Variants in HSF2BP observed in about 807,000 individuals in gnomAD.
The protein encoded by HSF2BP is heat shock transcription factor 2 binding protein.
HSF2BP carries 35 observed loss-of-function variants against 35.0 expected under a neutral mutation model. The ratio of observed to expected loss-of-function variants is 1.00; its 90% CI spans 0.76 to 1.32. The LOEUF is 1.32. Among genes scored for constraint, HSF2BP ranks in the 40% most tolerant of loss-of-function variants. The pLI, the probability that HSF2BP is intolerant of heterozygous loss-of-function variation, is 0.00. For synonymous variants in HSF2BP, 114 were observed against 117.4 expected (o/e 0.97, Z 0.18); for missense variants, 326 against 321.7 (o/e 1.01, Z -0.10).
intron 6 of HSF2BP, among the ~76,000 whole-genome samples, chr21:43,615,298 T>C (rs1326994886): frequency 6.6e-6 from 1 of 152,244 alleles, no homozygotes; most frequent in African/African-American, 2.4e-5. Context: ...GTCTGATCTG[T>C]TTCTGGTAGA....
intron 6 of HSF2BP, among the ~76,000 whole-genome samples, chr21:43,629,628 T>C (rs1370140531): frequency 1.3e-5 from 2 of 152,186 alleles, no homozygotes; most frequent in Non-Finnish European, 2.9e-5. Context: ...TCAATCCTCA[T>C]GGATGACTTT....
At chr21:43,615,933 C>G (rs183569922) in intron 6 of HSF2BP, among the ~76,000 whole-genome samples, 80 of 152,002 alleles carry the variant, frequency 5.3e-4, no homozygotes, top group African/African-American at 1.9e-3. Flanking sequence ...CCTGCCAAAC[C>G]TGACCAAACT....
At chr21:43,608,081 G>A (rs940136391) in intron 7 of HSF2BP, among the ~76,000 whole-genome samples, 4 of 151,600 alleles carry the variant, frequency 2.6e-5, no homozygotes, top group Non-Finnish European at 1.5e-5. Context: ...CAACAAAACC[G>A]AAAATTGACA....
At chr21:43,607,731 C>T (rs1421452948) in intron 7 of HSF2BP, among the ~76,000 whole-genome samples, 1 of 152,184 alleles carries the variant, frequency 6.6e-6, no homozygotes, top group South Asian at 2.1e-4. Context: ...CAGCATAACA[C>T]TGGTACAAAA....
At chr21:43,507,322 C>A in the HSF2BP span, among the ~76,000 whole-genome samples, 1 of 98,536 alleles carries the variant, frequency 1.0e-5, no homozygotes, top group Non-Finnish European at 2.2e-5. Flanking sequence ...CCCTGATTCC[C>A]TAGCTGTGCA....
At chr21:43,625,842 G>A (rs541015919) in intron 6 of HSF2BP, among the ~76,000 whole-genome samples, 17 of 152,282 alleles carry the variant, frequency 1.1e-4, no homozygotes, top group East Asian at 1.9e-4. Flanking sequence ...AAACAGCCGC[G>A]CTGAGCTTGA....
intron 8 of HSF2BP, among the ~76,000 whole-genome samples, chr21:43,580,596 T>C (rs1382411423): frequency 6.6e-6 from 1 of 152,212 alleles, no homozygotes; most frequent in Non-Finnish European, 1.5e-5. Context: ...GTCAATAATG[T>C]TTGAGACATT....
intron 4 of HSF2BP, among the ~76,000 whole-genome samples, chr21:43,636,580 G>T (rs1450193187): frequency 6.6e-6 from 1 of 152,146 alleles, no homozygotes; most frequent in Non-Finnish European, 1.5e-5. Context: ...ATGGGCAAAA[G>T]ATTTGAAGAG....
intron 8 of HSF2BP, among the ~76,000 whole-genome samples, chr21:43,579,500 T>C (rs1038874133): frequency 1.3e-5 from 2 of 152,180 alleles, no homozygotes; most frequent in African/African-American, 4.8e-5. Context: ...TATTTTGAAG[T>C]AAAATAGTTA....
At chr21:43,459,547 C>A in the HSF2BP span, among the ~76,000 whole-genome samples, 3,232 of 98,114 alleles carry the variant, frequency 0.033, 1,037 homozygotes, top group Non-Finnish European at 0.052. Flanking sequence ...AACACTCCCC[C>A]GGCCCTGCAC....
At chr21:43,653,896 G>T (rs1330484834) in intron 3 of HSF2BP, among the ~76,000 whole-genome samples, 1 of 152,122 alleles carries the variant, frequency 6.6e-6, no homozygotes, top group Admixed American at 6.5e-5. Context: ...GAGGAAGAGA[G>T]ACAGGTAACA....
intron 3 of HSF2BP, among the ~76,000 whole-genome samples, chr21:43,647,006 C>T (rs1048261786): frequency 2.0e-5 from 3 of 152,176 alleles, no homozygotes; most frequent in Non-Finnish European, 4.4e-5. Flanking sequence ...ATATAGTAGG[C>T]AATACATAAA....
At chr21:43,507,301 C>T in the HSF2BP span, among the ~76,000 whole-genome samples, 2 of 106,616 alleles carry the variant, frequency 1.9e-5, no homozygotes, top group East Asian at 2.3e-4. Context: ...CTTTCCCAGG[C>T]ATTGTGGAGA....
At chr21:43,646,302 C>CA (rs896429749) in intron 3 of HSF2BP, among the ~76,000 whole-genome samples, 4 of 152,034 alleles carry the variant, frequency 2.6e-5, no homozygotes, top group African/African-American at 9.7e-5. Flanking sequence ...TAATCCCAGC[C>CA]AAAAAATCAA....
chr21:43,590,102 G>T (rs532345416), intron 8 of HSF2BP, among the ~76,000 whole-genome samples: 1 of 152,050 alleles, frequency 6.6e-6, no homozygotes. Context: ...CCACAAGCTG[G>T]GAAAAAATAT....
intron 7 of HSF2BP, among the ~76,000 whole-genome samples, chr21:43,610,503 G>A (rs1483077039): frequency 6.6e-6 from 1 of 151,892 alleles, no homozygotes; most frequent in African/African-American, 2.4e-5. Flanking sequence ...TTACTTGGGA[G>A]GCTGGGATGG....
chr21:43,604,302 CCAT>C lies in HSF2BP; in HGVS notation c.692+9525_692+9527del, dbSNP rs1444635247. 4.9e-4 allele frequency among the ~76,000 whole-genome samples: 69 copies of C among 140,866 alleles called. 1 individual carries two copies. Among genetic ancestry groups the C allele is most frequent in the Admixed American group, 2.5e-3 (36 of 14,194 alleles). 92.4% of individuals were successfully genotyped at this position (140,866 alleles called of 152,430 possible). A position where few individuals can be genotyped will look rare whatever the true frequency, so the allele number is the denominator to read the frequency against. On this transcript the variant is annotated intron_variant, in intron 7 of 8. Transcript: ENST00000291560. ...ACACACATCACACACACCACACACA[CCAT>C]GCACAAACCACAAACACACCACACA...
intron 4 of HSF2BP, among the ~76,000 whole-genome samples, chr21:43,641,265 C>T (rs2082633123): frequency 1.3e-5 from 2 of 152,108 alleles, no homozygotes; most frequent in Non-Finnish European, 2.9e-5. Context: ...TCCCAAAGTG[C>T]TGGGATTACA....
At chr21:43,641,463 G>A (rs1424604336) in intron 4 of HSF2BP, among the ~76,000 whole-genome samples, 3 of 152,156 alleles carry the variant, frequency 2.0e-5, no homozygotes, top group Admixed American at 1.3e-4. Flanking sequence ...AATCTCTGTG[G>A]AGGAAACATC....
Sources: gnomAD v4.1 joint callset for allele counts (sites outside exome capture counted in the v4.1 genomes callset) on GRCh38, gnomAD v4.1.1 for gene constraint, MANE v1.5 for transcripts, NCBI Gene and HGNC (gene_info 2026-07-23, HGNC 2026-07-21) for gene names.